ALPK3: variants seen among roughly 807,000 people sequenced by gnomAD.
The protein encoded by ALPK3 is alpha-protein kinase 3.
Under a neutral mutation model 140.0 loss-of-function variants are expected in ALPK3, and 102 were observed. That is an observed-to-expected ratio of 0.73 (90% CI 0.62 to 0.86). The LOEUF is 0.86. Among genes scored for constraint, ALPK3 ranks in the 40% least tolerant of loss-of-function variants. The pLI is 0.00. For synonymous variants in ALPK3, 938 were observed against 898.5 expected (o/e 1.04, Z -0.79); for missense variants, 2,254 against 2,208.2 (o/e 1.02, Z -0.42).
chr15:84,868,080 C>A, intron 13 of ALPK3, 31 bp from the exon 14 acceptor site: 3 of 1,584,484 alleles, frequency 1.9e-6, no homozygotes, highest in Non-Finnish European at 2.6e-6. Context: ...CTGGTTGGGA[C>A]CCCCACTCAG....
chr15:84,854,917 C>T (rs181327893), intron 5 of ALPK3, among the ~76,000 whole-genome samples: 2 of 152,170 alleles, frequency 1.3e-5, no homozygotes, highest in African/African-American at 4.8e-5. Context: ...CAGTGCTTAC[C>T]GTCAGCTCTT....
rs1194445562 is a variant in ALPK3 at position 84,817,439 on chromosome 15, G to A, written c.-14G>A. On this transcript the variant is annotated 5_prime_UTR_variant, in exon 1 of 14. Coordinates refer to ENST00000258888, the MANE Select transcript of ALPK3 (RefSeq NM_020778.5). Reference sequence around the variant, plus strand: ...GCGGCGAGTGCGGGGCCGGCGGTCGGGGAGGGCGGTGCCATGGGGTCGCGG... The same window carrying A: ...GCGGCGAGTGCGGGGCCGGCGGTCGAGGAGGGCGGTGCCATGGGGTCGCGG... The A allele has an allele frequency of 5.5e-6, 7 of 1,274,430 alleles. No individual in the cohort carries two copies. The highest frequency in any genetic ancestry group is 4.3e-5 in the Admixed American group (1 of 23,270). 78.9% of individuals were successfully genotyped at this position (1,274,430 alleles called of 1,614,324 possible).
chr15:84,863,665 G>T (rs1275311613), intron 11 of ALPK3, 25 bp downstream of exon 11: 4 of 1,606,674 alleles, frequency 2.5e-6, no homozygotes, highest in South Asian at 1.1e-5. Context: ...AGGAGGACGT[G>T]CAGTGTGCAG....
intron 5 of ALPK3, among the ~76,000 whole-genome samples, chr15:84,841,752 G>A (rs1424079630): frequency 6.6e-6 from 1 of 152,168 alleles, no homozygotes; most frequent in Non-Finnish European, 1.5e-5. Context: ...TGAGGGGTGG[G>A]ATTGAGAGGG....
At chr15:84,841,471 T>C (rs1225868597) in intron 5 of ALPK3, among the ~76,000 whole-genome samples, 2 of 152,332 alleles carry the variant, frequency 1.3e-5, no homozygotes, top group East Asian at 1.9e-4. Context: ...CTAGAGCAAG[T>C]TGTAAAACTG....
intron 4 of ALPK3, 25 bp from the exon 5 acceptor site, chr15:84,839,677 T>G (rs1268241002): frequency 6.4e-7 from 1 of 1,562,690 alleles, no homozygotes; most frequent in Non-Finnish European, 8.7e-7. Flanking sequence ...AGGGGAGAGG[T>G]GGCACCTCCC....
Position 84,840,511 on chromosome 15 carries a change from T to C in ALPK3, c.1232T>C (p.Val411Ala). Residue 411 changes from valine to alanine, a missense_variant, in exon 5 of 14, where the codon GTG becomes GCG. Coordinates refer to ENST00000258888, the MANE Select transcript of ALPK3 (RefSeq NM_020778.5). ...KAPGPGPGQE[V>A]YFSLKDMYLE... ...CCTGGCCCAGGCCCAGGCCAGGAAG[T>C]GTATTTCTCCTTGAAGGACATGTAC... The C allele has an allele frequency of 6.2e-7, 1 of 1,611,156 alleles. No individual in the cohort carries two copies. The highest frequency in any genetic ancestry group is 8.5e-7 in the Non-Finnish European group (1 of 1,179,214).
chr15:84,848,756 TAA>T (rs1963764116), intron 5 of ALPK3, among the ~76,000 whole-genome samples: 2 of 152,152 alleles, frequency 1.3e-5, no homozygotes, highest in Non-Finnish European at 2.9e-5. Context: ...CAGTTACAAG[TAA>T]AATAATAGAA....
At chr15:84,853,976 C>G (rs760946842) in intron 5 of ALPK3, among the ~76,000 whole-genome samples, 6 of 151,800 alleles carry the variant, frequency 4.0e-5, no homozygotes, top group South Asian at 2.1e-4. Context: ...TGGCAAGACC[C>G]CATCTCTAAT....
At chr15:84,828,643 T>G (rs1308182903) in intron 3 of ALPK3, among the ~76,000 whole-genome samples, 2 of 152,260 alleles carry the variant, frequency 1.3e-5, no homozygotes, top group Non-Finnish European at 2.9e-5. Context: ...AGCTGCAGAC[T>G]GAGAACACTC....
At chr15:84,864,712 A>G (rs1188313123) in intron 12 of ALPK3, 47 bp downstream of exon 12, 1 of 1,581,382 alleles carries the variant, frequency 6.3e-7, no homozygotes, top group Non-Finnish European at 8.7e-7. Flanking sequence ...ATGGATGTGA[A>G]AGCATGCAGA....
Position 84,868,508 on chromosome 15 carries a change from G to A in ALPK3, c.*52G>A, listed in dbSNP as rs1045596355. 3 of 1,501,042 alleles carry A rather than the reference G, an allele frequency of 2.0e-6. No homozygotes were observed. Among genetic ancestry groups the A allele is most frequent in the African/African-American group, 2.8e-5 (2 of 71,422 alleles). 93.0% of individuals were successfully genotyped at this position (1,501,042 alleles called of 1,614,324 possible). A position where few individuals can be genotyped will look rare whatever the true frequency, so the allele number is the denominator to read the frequency against. On this transcript the variant is annotated 3_prime_UTR_variant, in exon 14 of 14. Coordinates refer to ENST00000258888, the MANE Select transcript of ALPK3 (RefSeq NM_020778.5). ...CCAGCAGCAGACCAACCAGGAAGCA[G>A]CTTGAACTGGATGGAGACTTTCCAA...
rs1432174244 is a variant in ALPK3 at position 84,860,077 on chromosome 15, G to C, written c.4129+5G>C. ...TCTCCAGAGAAGAAGGTGAAGGTATGGTTCCCCCCTGGGGAAGGCGGGGTG... is the reference window on the plus strand; with the variant it reads ...TCTCCAGAGAAGAAGGTGAAGGTATCGTTCCCCCCTGGGGAAGGCGGGGTG... On this transcript the variant is annotated splice_donor_5th_base_variant and intron_variant, in intron 9 of 13. Coordinates refer to ENST00000258888, the MANE Select transcript of ALPK3 (RefSeq NM_020778.5). The C allele has an allele frequency of 1.9e-6, 3 of 1,614,112 alleles. No homozygotes were observed. In the East Asian group the frequency reaches 6.7e-5, roughly 36 times the overall value.
chr15:84,842,947 C>T (rs1248068815), intron 5 of ALPK3, among the ~76,000 whole-genome samples: 1 of 152,176 alleles, frequency 6.6e-6, no homozygotes, highest in Admixed American at 6.5e-5. Flanking sequence ...CATAGGCCCT[C>T]ATAGCTCATT....
chr15:84,832,595 A>G (rs1963555484), intron 3 of ALPK3, among the ~76,000 whole-genome samples: 2 of 152,008 alleles, frequency 1.3e-5, no homozygotes, highest in African/African-American at 4.8e-5. Flanking sequence ...TCCACCACAT[A>G]GTTTTTTTGT....
chr15:84,843,177 C>T (rs1473709441), intron 5 of ALPK3, among the ~76,000 whole-genome samples: 1 of 152,190 alleles, frequency 6.6e-6, no homozygotes, highest in Non-Finnish European at 1.5e-5. Context: ...ACAAAAACCT[C>T]ATGGTTAGGC....
intron 1 of ALPK3, among the ~76,000 whole-genome samples, chr15:84,819,882 T>A (rs993157847): frequency 1.3e-5 from 2 of 152,198 alleles, no homozygotes; most frequent in African/African-American, 4.8e-5. Context: ...ACCAGAGGCC[T>A]TGGTGGATGG....
In ALPK3 at chr15:84,857,796, A is replaced by G; in HGVS notation, c.3058A>G (p.Asn1020Asp). ...TSRRILERVENNHLVQSAQTL... is the reference protein window; with the variant it reads ...TSRRILERVEDNHLVQSAQTL... ...GAGGCGCATCCTGGAGCGTGTGGAGAACAACCACCTGGTGCAGAGTGCACA... is the reference window on the plus strand; with the variant it reads ...GAGGCGCATCCTGGAGCGTGTGGAGGACAACCACCTGGTGCAGAGTGCACA... The change falls in exon 6 of 14, where the codon AAC becomes GAC. Residue 1020 changes from asparagine (N) to aspartate (D), a missense_variant. Around this residue, in one of 3 missense-constraint regions of ALPK3, gnomAD observed 2,088 missense variants for 2,022.9 expected, o/e 1.03. Coordinates refer to ENST00000258888, the MANE Select transcript of ALPK3 (RefSeq NM_020778.5). 1.9e-6 allele frequency: 3 copies of G among 1,611,578 alleles called. No individual in the cohort carries two copies. The highest frequency in any genetic ancestry group is 1.1e-5 in the South Asian group (1 of 90,970).
At chr15:84,841,907 A>T (rs1398274265) in intron 5 of ALPK3, among the ~76,000 whole-genome samples, 12 of 152,240 alleles carry the variant, frequency 7.9e-5, no homozygotes. Flanking sequence ...GCAGAAGGAA[A>T]AGTATTTCAA....
Sources: gnomAD v4.1 joint callset for allele counts (sites outside exome capture counted in the v4.1 genomes callset) on GRCh38, gnomAD v4.1.1 for gene constraint, gnomAD v4.1.1 regional missense constraint, MANE v1.5 for transcripts, NCBI Gene and HGNC (gene_info 2026-07-23, HGNC 2026-07-21) for gene names.